NR5A2: variants seen among roughly 807,000 people sequenced by gnomAD.
The protein encoded by NR5A2 is nuclear receptor subfamily 5 group A member 2.
NR5A2 carries 26 observed loss-of-function variants against 62.7 expected under a neutral mutation model. The observed-to-expected ratio is 0.41, with a 90% CI of 0.30 to 0.58. NR5A2 has a LOEUF of 0.58. Ranked by LOEUF, NR5A2 falls within the 20% of genes least tolerant of loss-of-function variation. The pLI is 0.22. For synonymous variants in NR5A2, 246 were observed against 241.7 expected (o/e 1.02, Z -0.16); for missense variants, 541 against 669.1 (o/e 0.81, Z 2.11).
intron 5 of NR5A2, among the ~76,000 whole-genome samples, chr1:200,100,342 ATTTCAG>A (rs151123585): frequency 0.012 from 1,729 of 142,060 alleles, 34 homozygotes; most frequent in African/African-American, 0.041. Context: ...ATTTATTTGG[ATTTCAG>A]TTTAAGTATT....
chr1:200,064,064 G>A (rs939779454), intron 5 of NR5A2, among the ~76,000 whole-genome samples: 2 of 151,860 alleles, frequency 1.3e-5, no homozygotes, highest in African/African-American at 4.8e-5. Context: ...CAGGAGAATT[G>A]CTTGAACCTG....
chr1:200,081,348 TTCCC>T (rs1664283287), intron 5 of NR5A2, among the ~76,000 whole-genome samples: 1 of 152,256 alleles, frequency 6.6e-6, no homozygotes, highest in African/African-American at 2.4e-5. Flanking sequence ...TCAGTCCTAT[TTCCC>T]TTCCTCTGTG....
rs1661946322 is a variant in NR5A2 at position 200,039,437 on chromosome 1, G to A, written c.65-221G>A. On this transcript the variant is annotated intron_variant, in intron 1 of 7. Transcript: ENST00000367362. The surrounding 1 kb of genome is among the most constrained non-coding windows in gnomAD (Gnocchi z 5.1). ...CCTTGCGGAGCCGAACCAGAGGGCC[G>A]GGACGCTGTCTTCCTCGCCTCCTTT... 6.6e-6 allele frequency among the ~76,000 whole-genome samples: 1 copy of A among 152,022 alleles called. No individual in the cohort carries two copies. The highest frequency in any genetic ancestry group is 2.4e-5 in the African/African-American group (1 of 41,412).
At chr1:200,059,644 C>T (rs1663096914) in intron 5 of NR5A2, among the ~76,000 whole-genome samples, 1 of 152,124 alleles carries the variant, frequency 6.6e-6, no homozygotes, top group Admixed American at 6.5e-5. Context: ...CACACATGCA[C>T]ACAAACACAC....
chr1:200,133,941 T>C (rs1667101672), intron 7 of NR5A2, among the ~76,000 whole-genome samples: 1 of 152,070 alleles, frequency 6.6e-6, no homozygotes, highest in Non-Finnish European at 1.5e-5. Context: ...ATCCTGACCT[T>C]GTATAGGCTT....
At chr1:200,123,397 C>T (rs572744331) in intron 7 of NR5A2, among the ~76,000 whole-genome samples, 1 of 152,290 alleles carries the variant, frequency 6.6e-6, no homozygotes, top group East Asian at 1.9e-4. Flanking sequence ...GTTTGGGGAA[C>T]TGTTAGTTGA....
chr1:200,113,043 G>T (rs1027685598), intron 6 of NR5A2, among the ~76,000 whole-genome samples: 2 of 152,178 alleles, frequency 1.3e-5, no homozygotes, highest in Non-Finnish European at 2.9e-5. Flanking sequence ...ATAGAGAAAA[G>T]TGCATTTCTT....
chr1:200,103,030 CCT>C (rs1241304213), intron 5 of NR5A2, among the ~76,000 whole-genome samples: 1 of 151,930 alleles, frequency 6.6e-6, no homozygotes, highest in Non-Finnish European at 1.5e-5. Context: ...AACTTTTCTA[CCT>C]CAGTTTCCTC....
chr1:200,140,145 TGTCA>T (rs1164722751), intron 7 of NR5A2, among the ~76,000 whole-genome samples: 3 of 151,808 alleles, frequency 2.0e-5, no homozygotes, highest in South Asian at 4.2e-4. Context: ...CAATTTTAGA[TGTCA>T]GTATTTATTT....
Position 200,150,673 on chromosome 1 carries a change from A to C in NR5A2, c.1379-23290A>C, listed in dbSNP as rs186215643. ...AGTAGAGGGTTGGGAGAGAGAAGAG[A>C]GATCATAAGATATCACACCAGTTTA... On this transcript the variant is annotated intron_variant, in intron 7 of 7. Coordinates refer to ENST00000367362, the MANE Select transcript of NR5A2 (RefSeq NM_205860.3). Among the ~76,000 whole-genome samples, 409 of 152,342 alleles carry C rather than the reference A, an allele frequency of 2.7e-3. 1 individual carries two copies. The highest frequency in any genetic ancestry group is 4.3e-3 in the Non-Finnish European group (295 of 68,030).
intron 7 of NR5A2, among the ~76,000 whole-genome samples, chr1:200,160,446 C>T (rs778150564): frequency 2.8e-4 from 42 of 152,274 alleles, no homozygotes; most frequent in Non-Finnish European, 4.7e-4. Context: ...AGAAACATGT[C>T]GAGCACTACC....
At chr1:200,058,168 T>C (rs1663011205) in intron 5 of NR5A2, 1 of 152,228 alleles carries the variant, frequency 6.6e-6, no homozygotes, top group East Asian at 1.9e-4. Context: ...GGTCCTGGTC[T>C]CTGTCTTTCA....
chr1:200,042,263 C>T (rs536477425), intron 2 of NR5A2, among the ~76,000 whole-genome samples: 1 of 152,308 alleles, frequency 6.6e-6, no homozygotes, highest in East Asian at 1.9e-4. Flanking sequence ...CATCCTAGGG[C>T]TCTGTGGCCC....
intron 5 of NR5A2, among the ~76,000 whole-genome samples, chr1:200,104,470 T>C (rs1398610037): frequency 6.6e-6 from 1 of 152,132 alleles, no homozygotes; most frequent in South Asian, 2.1e-4. Flanking sequence ...TTGATTTTGA[T>C]TTGTTTGGGT....
intron 5 of NR5A2, among the ~76,000 whole-genome samples, chr1:200,069,482 A>G (rs1164485168): frequency 1.3e-5 from 2 of 152,118 alleles, no homozygotes; most frequent in African/African-American, 4.8e-5. Context: ...GCCAGTCTCA[A>G]ACCTCAAATG....
intron 7 of NR5A2, among the ~76,000 whole-genome samples, chr1:200,135,509 A>G (rs748501777): frequency 1.3e-5 from 2 of 150,358 alleles, no homozygotes; most frequent in Non-Finnish European, 2.9e-5. Context: ...CAACAGAGCA[A>G]AACTTCATCT....
At position 200,120,968 on chromosome 1, in the gene NR5A2, T is replaced by C; in HGVS notation, c.1378+13T>C. ...CTCTTTAGTTTAGGTAAGAAATCCT[T>C]TTCTCATGCTGTGCTCAACCAACGA... is the stretch of plus-strand genomic sequence containing the variant. On this transcript the variant is annotated intron_variant, in intron 7 of 7. Coordinates refer to ENST00000367362, the MANE Select transcript of NR5A2 (RefSeq NM_205860.3). 2.5e-6 allele frequency: 4 copies of C among 1,613,684 alleles called. No individual in the cohort carries two copies. The highest frequency in any genetic ancestry group is 3.4e-6 in the Non-Finnish European group (4 of 1,179,756).
chr1:200,056,792 T>G (rs1239981760), intron 5 of NR5A2, among the ~76,000 whole-genome samples: 2 of 152,164 alleles, frequency 1.3e-5, no homozygotes, highest in African/African-American at 4.8e-5. Flanking sequence ...AACCTGTATG[T>G]TATCTACTGG....
intron 5 of NR5A2, among the ~76,000 whole-genome samples, chr1:200,061,898 C>T (rs1663237161): frequency 6.6e-6 from 1 of 152,026 alleles, no homozygotes; most frequent in South Asian, 2.1e-4. Context: ...CCTGAGAGAG[C>T]AGGATAATTA....
Sources: allele counts gnomAD v4.1 joint callset (sites outside exome capture counted in the v4.1 genomes callset), GRCh38; gene constraint gnomAD v4.1.1; non-coding constraint Gnocchi (gnomAD v3.1); transcripts MANE v1.5; gene names NCBI Gene and HGNC (gene_info 2026-07-23, HGNC 2026-07-21).